The following DDX10 variants were observed in gnomAD, a reference collection of about 807,000 sequenced individuals.
The protein encoded by DDX10 is DEAD-box helicase 10, also known as probable ATP-dependent RNA helicase DDX10.
A neutral mutation model predicts 104.3 loss-of-function variants in DDX10; 74 were observed. That is an observed-to-expected ratio of 0.71 (90% CI 0.59 to 0.86). The LOEUF (loss-of-function observed/expected upper bound fraction) is 0.86, where lower values mean the gene tolerates loss of function less well. Among genes scored for constraint, DDX10 ranks in the 40% least tolerant of loss-of-function variants. The pLI, the probability that DDX10 is intolerant of heterozygous loss-of-function variation, is 0.00. For synonymous variants in DDX10, 351 were observed against 353.4 expected, an observed-to-expected ratio of 0.99 and a Z score of 0.08; for missense variants, 952 against 1,040.0, an observed-to-expected ratio of 0.92 and a Z score of 1.16.
chr11:108,917,042 A>T (rs1863759963), intron 16 of DDX10, among the ~76,000 whole-genome samples: 1 of 151,824 alleles, frequency 6.6e-6, no homozygotes, highest in Admixed American at 6.6e-5. Flanking sequence ...CACTACAAAT[A>T]AGCTTGTACA....
intron 13 of DDX10, among the ~76,000 whole-genome samples, chr11:108,802,912 A>G (rs1453614837): frequency 6.6e-6 from 1 of 151,978 alleles, no homozygotes; most frequent in African/African-American, 2.4e-5. Flanking sequence ...TACAACTCTT[A>G]AGAACTATCA....
chr11:108,846,641 C>T (rs990574339), intron 15 of DDX10, among the ~76,000 whole-genome samples: 1 of 152,154 alleles, frequency 6.6e-6, no homozygotes, highest in African/African-American at 2.4e-5. Flanking sequence ...TTCCATTGTA[C>T]ATATATATGC....
intron 16 of DDX10, among the ~76,000 whole-genome samples, chr11:108,890,742 G>A (rs1863365184): frequency 6.6e-6 from 1 of 152,110 alleles, no homozygotes; most frequent in African/African-American, 2.4e-5. Context: ...GGGGGAGCAT[G>A]TGAGAACATT....
At chr11:108,816,178 TAAATGATGG>T (rs1862252048) in intron 13 of DDX10, among the ~76,000 whole-genome samples, 1 of 152,220 alleles carries the variant, frequency 6.6e-6, no homozygotes, top group Non-Finnish European at 1.5e-5. Flanking sequence ...TTCCCATCTT[TAAATGATGG>T]GGGAATACCC....
At chr11:108,776,334 G>A (rs2094369886) in intron 13 of DDX10, among the ~76,000 whole-genome samples, 1 of 152,166 alleles carries the variant, frequency 6.6e-6, no homozygotes, top group Admixed American at 6.5e-5. Flanking sequence ...AGAATTTGTG[G>A]AGGATTATAC....
At chr11:108,896,818 T>C in intron 16 of DDX10, among the ~76,000 whole-genome samples, 1 of 152,084 alleles carries the variant, frequency 6.6e-6, no homozygotes, top group East Asian at 1.9e-4. Flanking sequence ...AGTGACATTG[T>C]CTGGCCTTGA....
chr11:108,909,163 G>A (rs188866242), intron 16 of DDX10, among the ~76,000 whole-genome samples: 1 of 152,202 alleles, frequency 6.6e-6, no homozygotes, highest in African/African-American at 2.4e-5. Context: ...TTGATTAGAG[G>A]GTGGAGCTTT....
chr11:108,717,754 T>TA, intron 11 of DDX10, among the ~76,000 whole-genome samples: 1 of 152,354 alleles, frequency 6.6e-6, no homozygotes, highest in African/African-American at 2.4e-5. Flanking sequence ...GGTACTTAGT[T>TA]ATGACAAAAC....
chr11:108,887,351 T>TA (rs1863311463), intron 16 of DDX10, among the ~76,000 whole-genome samples: 1 of 152,044 alleles, frequency 6.6e-6, no homozygotes, highest in South Asian at 2.1e-4. Flanking sequence ...ATTCTTTTTT[T>TA]AAAAAACCTT....
chr11:108,914,293 A>C (rs772455150), intron 16 of DDX10, among the ~76,000 whole-genome samples: 74 of 152,238 alleles, frequency 4.9e-4, no homozygotes, highest in Admixed American at 2.0e-4. Flanking sequence ...ATATATTAAT[A>C]CACTTGAATA....
chr11:108,837,607 CTTTTTTTTTTTTT>C lies in DDX10; in HGVS notation c.1966-816_1966-804del, dbSNP rs142381520. On this transcript the variant is annotated intron_variant, in intron 13 of 17. Transcript: ENST00000322536. ...TTCTGCATCTCACCTTTGGATACAG[CTTTTTTTTTTTTT>C]TTTTTTTTTTTTTTTTTTTTTTAGG... 1.5e-3 allele frequency among the ~76,000 whole-genome samples: 53 copies of C among 34,744 alleles called. 1 individual carries two copies. The highest frequency in any genetic ancestry group is 9.1e-3 in the East Asian group (8 of 882). 22.8% of individuals were successfully genotyped at this position (34,744 alleles called of 152,430 possible). A position where few individuals can be genotyped will look rare whatever the true frequency, so the allele number is the denominator to read the frequency against.
intron 6 of DDX10, among the ~76,000 whole-genome samples, chr11:108,682,968 A>G (rs1175193331): frequency 6.6e-6 from 1 of 151,982 alleles, no homozygotes; most frequent in Non-Finnish European, 1.5e-5. Context: ...GTTCCTTTGA[A>G]GGTAATTTTT....
chr11:108,786,738 A>G (rs1050597995), intron 13 of DDX10, among the ~76,000 whole-genome samples: 4 of 152,082 alleles, frequency 2.6e-5, no homozygotes, highest in African/African-American at 9.7e-5. Context: ...TGTTTGTGTC[A>G]TTACATGTGA....
chr11:108,766,785 C>T (rs575467734), intron 13 of DDX10, among the ~76,000 whole-genome samples: 1 of 152,192 alleles, frequency 6.6e-6, no homozygotes, highest in East Asian at 1.9e-4. Flanking sequence ...GTTAACACGC[C>T]TTGAGTATTT....
chr11:108,717,646 T>C (rs2094293245), intron 11 of DDX10, among the ~76,000 whole-genome samples: 1 of 152,206 alleles, frequency 6.6e-6, no homozygotes, highest in South Asian at 2.1e-4. Context: ...AGATCTTAAA[T>C]TTTTTGCTAA....
At chr11:108,882,890 A>G (rs1863246066) in intron 16 of DDX10, among the ~76,000 whole-genome samples, 1 of 152,226 alleles carries the variant, frequency 6.6e-6, no homozygotes, top group Admixed American at 6.5e-5. Context: ...TGGGTCTTCA[A>G]CATTTCCTCA....
chr11:108,931,682 G>A (rs1186425776), intron 17 of DDX10, among the ~76,000 whole-genome samples: 1 of 152,072 alleles, frequency 6.6e-6, no homozygotes, highest in Non-Finnish European at 1.5e-5. Flanking sequence ...TGATAGAGAC[G>A]AAGTTACAAT....
intron 13 of DDX10, among the ~76,000 whole-genome samples, chr11:108,748,265 A>G (rs958916119): frequency 3.3e-5 from 5 of 152,210 alleles, no homozygotes; most frequent in Non-Finnish European, 7.3e-5. Context: ...TGTCTGTCAG[A>G]GAATGAGCGG....
chr11:108,680,938 G>A (rs1387818881), intron 6 of DDX10, among the ~76,000 whole-genome samples: 3 of 152,154 alleles, frequency 2.0e-5, no homozygotes, highest in Non-Finnish European at 4.4e-5. Flanking sequence ...TAAGATATGT[G>A]AGGTATAGTT....
Sources: gnomAD v4.1 joint callset for allele counts (sites outside exome capture counted in the v4.1 genomes callset) on GRCh38, gnomAD v4.1.1 for gene constraint, MANE v1.5 for transcripts, NCBI Gene and HGNC (gene_info 2026-07-23, HGNC 2026-07-21) for gene names.